THSD7B: variants seen among roughly 807,000 people sequenced by gnomAD.
THSD7B encodes the protein thrombospondin type 1 domain containing 7B, also known as thrombospondin type-1 domain-containing protein 7B.
In THSD7B, 138 loss-of-function variants were observed where a neutral mutation model predicts 213.6. The ratio of observed to expected loss-of-function variants is 0.65; its 90% CI spans 0.56 to 0.74. THSD7B has a LOEUF of 0.74. Among genes scored for constraint, THSD7B ranks in the 30% least tolerant of loss-of-function variants. The pLI is 0.00. For synonymous variants in THSD7B, 742 were observed against 687.0 expected, an observed-to-expected ratio of 1.08 and a Z score of -1.25; for missense variants, 1,931 against 1,991.5, an observed-to-expected ratio of 0.97 and a Z score of 0.58.
Position 136,981,132 on chromosome 2 carries a change from A to T in THSD7B, c.140-75288A>T, listed in dbSNP as rs115195162. ...TAGTTTGTATTGGGATATTTGTAAA[A>T]GAGTGAATGTAACTTTCTTAGGTAA... is the stretch of plus-strand genomic sequence containing the variant. On this transcript the variant is annotated intron_variant, in intron 2 of 27. Coordinates refer to ENST00000409968, the MANE Select transcript of THSD7B (RefSeq NM_001316349.2). Among the ~76,000 whole-genome samples, 1,315 of 152,300 alleles carry T rather than the reference A, an allele frequency of 8.6e-3. 21 individuals are homozygous for T. Among genetic ancestry groups the T allele is most frequent in the African/African-American group, 0.03 (1,261 of 41,568 alleles).
chr2:137,660,139 G>A (rs376902012), intron 25 of THSD7B, among the ~76,000 whole-genome samples: 2 of 151,902 alleles, frequency 1.3e-5, no homozygotes, highest in African/African-American at 4.8e-5. Context: ...TGTTGAGTGA[G>A]TACATTTTTA....
chr2:137,073,971 C>T (rs1573805017), intron 3 of THSD7B, among the ~76,000 whole-genome samples: 1 of 152,086 alleles, frequency 6.6e-6, no homozygotes, highest in Admixed American at 6.5e-5. Flanking sequence ...AATTTCTGTT[C>T]TTTTACATTT....
At chr2:137,194,715 A>G (rs1680725485) in intron 7 of THSD7B, among the ~76,000 whole-genome samples, 1 of 151,976 alleles carries the variant, frequency 6.6e-6, no homozygotes, top group Admixed American at 6.6e-5. Flanking sequence ...CTCTCTTTGT[A>G]TCCTCTAATT....
chr2:137,275,859 T>TAA (rs1682857133), intron 11 of THSD7B, 64 bp from the exon 12 acceptor site: 10 of 1,218,244 alleles, frequency 8.2e-6, no homozygotes, highest in Non-Finnish European at 1.2e-5. Context: ...CAAACATATG[T>TAA]AAGTATTTCT....
intron 17 of THSD7B, among the ~76,000 whole-genome samples, chr2:137,592,100 G>T (rs1042851913): frequency 1.3e-5 from 2 of 151,428 alleles, no homozygotes; most frequent in African/African-American, 4.8e-5. Context: ...GTAGTTTCAT[G>T]GACTATGCCT....
intron 1 of THSD7B, among the ~76,000 whole-genome samples, chr2:136,815,060 A>T (rs1245104685): frequency 6.6e-6 from 1 of 152,240 alleles, no homozygotes; most frequent in African/African-American, 2.4e-5. Flanking sequence ...AGCTATAATG[A>T]CAGAGCTGAG....
chr2:136,843,369 T>A (rs915405216), intron 1 of THSD7B, among the ~76,000 whole-genome samples: 4 of 152,210 alleles, frequency 2.6e-5, no homozygotes, highest in Non-Finnish European at 5.9e-5. Context: ...ATTAACATGC[T>A]TATCCCTCAT....
intron 2 of THSD7B, among the ~76,000 whole-genome samples, chr2:136,995,898 T>C (rs910253557): frequency 6.6e-6 from 1 of 152,218 alleles, no homozygotes; most frequent in Non-Finnish European, 1.5e-5. Context: ...GAGGACAGGG[T>C]ACATGTCATT....
chr2:137,092,709 AC>A (rs1172468244), intron 3 of THSD7B, among the ~76,000 whole-genome samples: 11 of 152,074 alleles, frequency 7.2e-5, no homozygotes, highest in Non-Finnish European at 5.9e-5. Context: ...GTCTCGGCTC[AC>A]TATAGCCCCC....
At chr2:137,523,171 A>AGTT (rs3048515) in intron 15 of THSD7B, among the ~76,000 whole-genome samples, 89,317 of 151,728 alleles carry the variant, frequency 0.59, 27,404 homozygotes, top group African/African-American at 0.77. Flanking sequence ...TATAGGTTGC[A>AGTT]GTTATTTTGT....
At chr2:137,520,307 T>A (rs1271505099) in intron 15 of THSD7B, among the ~76,000 whole-genome samples, 2 of 152,232 alleles carry the variant, frequency 1.3e-5, no homozygotes, top group African/African-American at 2.4e-5. Context: ...ATGATGATAA[T>A]GATAATGATG....
intron 1 of THSD7B, among the ~76,000 whole-genome samples, chr2:136,871,730 T>G (rs898001203): frequency 1.3e-5 from 2 of 152,212 alleles, no homozygotes; most frequent in African/African-American, 4.8e-5. Context: ...CTTTGGACTC[T>G]GTATGAACAG....
chr2:137,396,909 C>T (rs963757691), intron 12 of THSD7B, among the ~76,000 whole-genome samples: 1 of 148,714 alleles, frequency 6.7e-6, no homozygotes, highest in Non-Finnish European at 1.5e-5. Context: ...ATCCCTTTAC[C>T]ATTATGTAAT....
intron 15 of THSD7B, among the ~76,000 whole-genome samples, chr2:137,511,770 C>T (rs1010577869): frequency 6.6e-6 from 1 of 152,182 alleles, no homozygotes; most frequent in African/African-American, 2.4e-5. Context: ...TTACCTGGAT[C>T]ATTACTGTGC....
intron 17 of THSD7B, among the ~76,000 whole-genome samples, chr2:137,573,305 A>G (rs937707826): frequency 2.6e-5 from 4 of 152,166 alleles, no homozygotes; most frequent in African/African-American, 9.6e-5. Flanking sequence ...AAATTAGGAT[A>G]CTTTGAACTT....
chr2:137,610,369 A>G (rs1303965098), intron 17 of THSD7B, among the ~76,000 whole-genome samples: 1 of 152,126 alleles, frequency 6.6e-6, no homozygotes, highest in South Asian at 2.1e-4. Context: ...TATCCATGGA[A>G]GGCATGGCTA....
intron 1 of THSD7B, among the ~76,000 whole-genome samples, chr2:136,771,076 G>A (rs1455091019): frequency 6.6e-6 from 1 of 152,056 alleles, no homozygotes; most frequent in Admixed American, 6.5e-5. Flanking sequence ...GTATGTATGT[G>A]GGAGTAGTTC....
At chr2:136,903,923 G>A (rs1684105159) in intron 2 of THSD7B, among the ~76,000 whole-genome samples, 1 of 130,476 alleles carries the variant, frequency 7.7e-6, no homozygotes, top group Non-Finnish European at 1.7e-5. Flanking sequence ...GTCTTCCTGT[G>A]AGGTGTGTGT....
chr2:137,286,371 C>A (rs1297173771), intron 12 of THSD7B, among the ~76,000 whole-genome samples: 1 of 152,090 alleles, frequency 6.6e-6, no homozygotes, highest in African/African-American at 2.4e-5. Flanking sequence ...AAAACACACA[C>A]TCTAAAATAA....
Sources: allele counts gnomAD v4.1 joint callset (sites outside exome capture counted in the v4.1 genomes callset), GRCh38; gene constraint gnomAD v4.1.1; transcripts MANE v1.5; gene names NCBI Gene and HGNC (gene_info 2026-07-23, HGNC 2026-07-21).